Variants in COL24A1 observed in about 807,000 individuals in gnomAD.
COL24A1 encodes the protein collagen type XXIV alpha 1 chain.
In COL24A1, 224 loss-of-function variants were observed where a neutral mutation model predicts 253.9. That is an observed-to-expected ratio of 0.88 (90% CI 0.79 to 0.99). The LOEUF is 0.99. Among genes scored for constraint, COL24A1 ranks in the 50% least tolerant of loss-of-function variants. The pLI is 0.00. For synonymous variants in COL24A1, 685 were observed against 673.7 expected (o/e 1.02, Z -0.26); for missense variants, 2,131 against 2,068.5 (o/e 1.03, Z -0.59).
Position 85,824,903 on chromosome 1 carries a change from TTTATTATTATTATTATTA to T in COL24A1, c.3682-1183_3682-1166del, listed in dbSNP as rs67610324. On this transcript the variant is annotated intron_variant, in intron 43 of 59. Transcript: ENST00000370571. ...TACATAGGCTAACAATATTTATTCTTTTATTATTATTATTATTATTATTATTATTATTATTATACTTGA... is the reference window on the plus strand; with the variant it reads ...TACATAGGCTAACAATATTTATTCTTTTATTATTATTATTATTATACTTGA... 8.0e-4 allele frequency among the ~76,000 whole-genome samples: 116 copies of T among 144,854 alleles called. 1 individual carries two copies. The highest frequency in any genetic ancestry group is 6.7e-3 in the South Asian group (30 of 4,490).
chr1:85,858,932 T>C (rs952415219), intron 37 of COL24A1, among the ~76,000 whole-genome samples: 2 of 151,298 alleles, frequency 1.3e-5, no homozygotes, highest in Non-Finnish European at 2.9e-5. Context: ...GCGATGGGGG[T>C]TCTTTATGTT....
At chr1:85,886,614 A>G (rs950021078) in intron 32 of COL24A1, among the ~76,000 whole-genome samples, 1 of 151,922 alleles carries the variant, frequency 6.6e-6, no homozygotes, top group African/African-American at 2.4e-5. Context: ...GCAGTGAGCC[A>G]AGATTGCACC....
intron 12 of COL24A1, among the ~76,000 whole-genome samples, chr1:86,036,514 C>T (rs1457166627): frequency 6.6e-6 from 1 of 152,020 alleles, no homozygotes; most frequent in African/African-American, 2.4e-5. Context: ...ATAATATTTT[C>T]TTTTAAAGAA....
Position 85,734,738 on chromosome 1 carries a change from C to G in COL24A1, c.4998+11G>C, listed in dbSNP as rs113601234. ...TTATATTGAACAATTCTAAAAGTGC[C>G]ATTTCCTTACCTTGCAGTCATCTGA... On this transcript the variant is annotated intron_variant, in intron 59 of 59. Coordinates refer to ENST00000370571, the MANE Select transcript of COL24A1 (RefSeq NM_152890.7). 6.2e-7 allele frequency: 1 copy of G among 1,607,918 alleles called. No individual in the cohort carries two copies. Among genetic ancestry groups the G allele is most frequent in the Non-Finnish European group, 8.5e-7 (1 of 1,174,586 alleles).
At chr1:85,771,057 T>A (rs1667903405) in intron 53 of COL24A1, among the ~76,000 whole-genome samples, 1 of 152,172 alleles carries the variant, frequency 6.6e-6, no homozygotes, top group Non-Finnish European at 1.5e-5. Context: ...TTCTTAAACA[T>A]CTTTAGGGTT....
At chr1:85,802,629 A>T (rs1428839020) in intron 47 of COL24A1, among the ~76,000 whole-genome samples, 1 of 152,166 alleles carries the variant, frequency 6.6e-6, no homozygotes, top group Non-Finnish European at 1.5e-5. Flanking sequence ...ATAATTTGAT[A>T]AACTGGCATA....
intron 32 of COL24A1, among the ~76,000 whole-genome samples, chr1:85,881,394 C>T (rs372361372): frequency 4.6e-5 from 7 of 151,528 alleles, no homozygotes; most frequent in South Asian, 2.1e-4. Flanking sequence ...CGAGGCGGGC[C>T]GATCACGAGG....
At chr1:85,921,829 T>C (rs781228081) in intron 24 of COL24A1, among the ~76,000 whole-genome samples, 1 of 152,172 alleles carries the variant, frequency 6.6e-6, no homozygotes, top group African/African-American at 2.4e-5. Context: ...GATGAGCTGA[T>C]AGAAGTAGGC....
intron 24 of COL24A1, among the ~76,000 whole-genome samples, chr1:85,933,906 A>G (rs1044422053): frequency 3.3e-5 from 5 of 152,262 alleles, no homozygotes; most frequent in East Asian, 1.9e-4. Context: ...CTGCAAGACA[A>G]ATTACCCCCA....
intron 53 of COL24A1, among the ~76,000 whole-genome samples, chr1:85,773,143 T>G (rs1178621079): frequency 1.3e-5 from 2 of 152,170 alleles, no homozygotes; most frequent in South Asian, 4.1e-4. Flanking sequence ...TCTACATTGC[T>G]TGTGTGTGTC....
At chr1:85,938,843 T>C (rs1688468098) in intron 24 of COL24A1, among the ~76,000 whole-genome samples, 2 of 151,990 alleles carry the variant, frequency 1.3e-5, no homozygotes, top group Non-Finnish European at 2.9e-5. Flanking sequence ...CCCAGTTACT[T>C]AAGCCTAGCA....
intron 53 of COL24A1, 31 bp from the exon 54 acceptor site, chr1:85,761,597 A>G: frequency 1.9e-6 from 3 of 1,612,308 alleles, no homozygotes; most frequent in Non-Finnish European, 2.5e-6. Flanking sequence ...CACAAGACCT[A>G]TATATTATAC....
At chr1:86,065,811 T>A (rs74976921) in intron 7 of COL24A1, among the ~76,000 whole-genome samples, 3 of 150,464 alleles carry the variant, frequency 2.0e-5, no homozygotes, top group Non-Finnish European at 3.0e-5. Flanking sequence ...ATCTCTTTTT[T>A]AAAAAAATGA....
intron 12 of COL24A1, among the ~76,000 whole-genome samples, chr1:86,041,818 G>GA (rs1439466740): frequency 2.6e-5 from 4 of 152,064 alleles, no homozygotes; most frequent in Non-Finnish European, 1.5e-5. Context: ...AAAGGCTCCT[G>GA]ACCAATAAAG....
At chr1:85,799,087 G>A (rs1321860599) in intron 47 of COL24A1, among the ~76,000 whole-genome samples, 2 of 151,926 alleles carry the variant, frequency 1.3e-5, no homozygotes, top group Non-Finnish European at 1.5e-5. Context: ...TTCACAGAAG[G>A]AAATTCACAC....
intron 57 of COL24A1, among the ~76,000 whole-genome samples, chr1:85,739,168 T>C (rs537251823): frequency 1.3e-5 from 2 of 152,332 alleles, no homozygotes; most frequent in African/African-American, 4.8e-5. Flanking sequence ...GCTTCCAGTC[T>C]TACCTAATGG....
At position 86,088,746 on chromosome 1, in the gene COL24A1, AC is replaced by A. The variant is rs143037409; in HGVS notation, c.1707+427del. 8.0e-3 allele frequency among the ~76,000 whole-genome samples: 1,225 copies of A among 152,290 alleles called. 15 individuals are homozygous for A. The highest frequency in any genetic ancestry group is 0.028 in the African/African-American group (1,176 of 41,568). On this transcript the variant is annotated intron_variant, in intron 7 of 59. Coordinates refer to ENST00000370571, the MANE Select transcript of COL24A1 (RefSeq NM_152890.7). ...ACCCCTTAACAAATCCATATGTATTACCTATAAGCAAGTAAACCTCACTTTG... is the reference window on the plus strand; with the variant it reads ...ACCCCTTAACAAATCCATATGTATTACTATAAGCAAGTAAACCTCACTTTG...
intron 51 of COL24A1, 107 bp from the exon 52 acceptor site, chr1:85,781,380 C>A (rs1570588567): frequency 1.4e-6 from 1 of 701,236 alleles, no homozygotes; most frequent in Non-Finnish European, 2.3e-6. Context: ...ACATAATTAT[C>A]CTTTTTAGTA....
intron 19 of COL24A1, among the ~76,000 whole-genome samples, chr1:86,013,791 G>T (rs891940038): frequency 2.0e-5 from 3 of 152,124 alleles, no homozygotes; most frequent in African/African-American, 7.2e-5. Context: ...AGCCCAGACG[G>T]CACCACTGCA....
Sources: gnomAD v4.1 joint callset for allele counts (sites outside exome capture counted in the v4.1 genomes callset) on GRCh38, gnomAD v4.1.1 for gene constraint, MANE v1.5 for transcripts, NCBI Gene and HGNC (gene_info 2026-07-23, HGNC 2026-07-21) for gene names.